Variants in SEC16A observed in about 807,000 individuals in gnomAD.
SEC16A encodes SEC16 homolog A, endoplasmic reticulum export factor, also known as protein transport protein Sec16A.
SEC16A carries 110 observed loss-of-function variants against 221.9 expected under a neutral mutation model. The observed-to-expected ratio is 0.50, with a 90% CI of 0.42 to 0.58. SEC16A has a LOEUF of 0.58. SEC16A is among the 20% of genes least tolerant of loss of function. The probability of loss-of-function intolerance (pLI) is 0.00; values close to 1 mark genes in which losing one functional copy is unlikely to be tolerated. For missense variants in SEC16A, 3,165 were observed against 3,097.8 expected (o/e 1.02, Z -0.52); for synonymous variants, 1,393 against 1,257.7 (o/e 1.11, Z -2.28).
upstream of SEC16A, chr9:136,483,090 A>T: frequency 1.1e-6 from 1 of 900,540 alleles, no homozygotes; most frequent in Non-Finnish European, 1.3e-6. Context: ...GGCTTACGAC[A>T]TCAGCGCGCG....
At chr9:136,471,173 G>A (rs913879014) in intron 4 of SEC16A, among the ~76,000 whole-genome samples, 3 of 151,876 alleles carry the variant, frequency 2.0e-5, no homozygotes, top group Admixed American at 6.6e-5. Context: ...ATGTCAAGGA[G>A]AAACATAGGC....
Position 136,451,414 on chromosome 9 carries a change from G to T in SEC16A, c.6160-6C>A. ...GGCACCGTCCTCGAGGGGGTCTGTC[G>T]CAAGGAAATGCAGAACAGGCTCTCC... On this transcript the variant is annotated splice_region_variant and splice_polypyrimidine_tract_variant and intron_variant, in intron 22 of 31. Transcript: ENST00000684901. 6.3e-7 allele frequency: 1 copy of T among 1,588,216 alleles called. No individual in the cohort carries two copies. The highest frequency in any genetic ancestry group is 8.6e-7 in the Non-Finnish European group (1 of 1,169,346).
At position 136,476,553 on chromosome 9, in the gene SEC16A, C is replaced by A; in HGVS notation, c.1063G>T (p.Ala355Ser). The A allele has an allele frequency of 6.2e-7, 1 of 1,610,436 alleles. No individual in the cohort carries two copies. ...TCTAGCGGGGCACAGCCAGACCCGG[C>A]CCCAGCCCCCAGTGGGTGGTGCGTA... is the stretch of plus-strand genomic sequence containing the variant. ...NRTHHPLGAG[A>S]GSGCAPLEAD... Residue 355 changes from alanine to serine, a missense_variant, in exon 3 of 32, where the codon GCC becomes TCC. Around this residue, in one of 3 missense-constraint regions of SEC16A, gnomAD observed 2,030 missense variants for 1,923.1 expected, o/e 1.06. Coordinates refer to ENST00000684901, the MANE Select transcript of SEC16A (RefSeq NM_014866.2).
At chr9:136,457,408 G>C (rs1310785331) in intron 18 of SEC16A, 36 bp downstream of exon 18, 4 of 1,570,554 alleles carry the variant, frequency 2.5e-6, no homozygotes, top group Non-Finnish European at 3.5e-6. Flanking sequence ...CCTGCAGTCA[G>C]CACAGCATCC....
chr9:136,445,754 C>A, intron 28 of SEC16A, 35 bp from the exon 29 acceptor site: 1 of 1,539,910 alleles, frequency 6.5e-7, no homozygotes, highest in South Asian at 1.2e-5. Flanking sequence ...GCAACCAAAT[C>A]CCAGGGAATT....
chr9:136,441,887 C>T, intron 31 of SEC16A, 64 bp from the exon 32 acceptor site: 1 of 1,413,816 alleles, frequency 7.1e-7, no homozygotes, highest in Non-Finnish European at 9.9e-7. Flanking sequence ...TGCTCGGCTG[C>T]AGCGTGGCAG....
rs767932663 is a variant in SEC16A, at chr9:136,476,627, G to A, written c.989C>T (p.Ala330Val). Residue 330 changes from alanine (A) to valine (V), a missense_variant, in exon 3 of 32, where the codon GCC (alanine) becomes GTC (valine). Physicochemically the swap from Ala to Val is moderately conservative, Grantham distance 64 (BLOSUM62 0). This residue lies in a region of SEC16A where 2,030 missense variants were observed against 1,923.1 expected (regional missense o/e 1.06). Coordinates refer to ENST00000684901, the MANE Select transcript of SEC16A (RefSeq NM_014866.2). ...NPGVKNEHRP[A>V]SALVNPLARG... ...GGCGAGGGGGTTCACAAGAGCAGAG[G>A]CGGGCCGGTGCTCATTCTTCACTCC... 6 of 1,582,276 alleles carry A rather than the reference G, an allele frequency of 3.8e-6. No homozygotes were observed. Among genetic ancestry groups the A allele is most frequent in the Non-Finnish European group, 5.2e-6 (6 of 1,162,032 alleles).
chr9:136,445,245 A>T (rs1447251101), intron 29 of SEC16A, 134 bp from the exon 30 acceptor site: 1 of 771,516 alleles, frequency 1.3e-6, no homozygotes, highest in Non-Finnish European at 2.2e-6. Flanking sequence ...AAGGGAAAAA[A>T]AAGCCAGTGT....
chr9:136,476,536 G>A lies in SEC16A; in HGVS notation c.1080C>T (p.Ala360=). ...PLGAGAGSGC[A]PLEADSGASG... ...AAGCTCCTGAGTCTGCTTCTAGCGG[G>A]GCACAGCCAGACCCGGCCCCAGCCC... Residue 360 remains alanine, a synonymous_variant, in exon 3 of 32, where the codon GCC becomes GCT. Transcript: ENST00000684901. The A allele has an allele frequency of 6.2e-7, 1 of 1,612,194 alleles. No individual in the cohort carries two copies. The highest frequency in any genetic ancestry group is 8.5e-7 in the Non-Finnish European group (1 of 1,178,848).
intron 22 of SEC16A, among the ~76,000 whole-genome samples, chr9:136,451,772 G>A (rs1276088879): frequency 1.3e-5 from 2 of 152,214 alleles, no homozygotes; most frequent in Non-Finnish European, 2.9e-5. Flanking sequence ...TGTTCTCAAA[G>A]ATACAATGAT....
Position 136,457,556 on chromosome 9 carries a change from A to G in SEC16A, c.5438T>C (p.Leu1813Pro). 6.2e-7 allele frequency: 1 copy of G among 1,610,956 alleles called. No homozygotes were observed. The change falls in exon 18 of 32, where the codon CTG (leucine) becomes CCG (proline). Residue 1813 changes from leucine to proline, a missense_variant. This residue lies in a region of SEC16A where 1,088 missense variants were observed against 1,089.6 expected (regional missense o/e 1.00). Transcript: ENST00000684901. ...TTGCGTGGCCAGCCCCATTTCCGCC[A>G]GGCGGCAGGAGTAGATGAACTTAAA... ...QVFKFIYSCRLAEMGLATQAF... is the reference protein window; with the variant it reads ...QVFKFIYSCRPAEMGLATQAF...
intron 22 of SEC16A, among the ~76,000 whole-genome samples, chr9:136,451,727 C>T (rs1251434041): frequency 1.3e-5 from 2 of 152,122 alleles, no homozygotes; most frequent in Non-Finnish European, 2.9e-5. Flanking sequence ...TGTGAGCATG[C>T]ACTGAGGGAA....
intron 22 of SEC16A, among the ~76,000 whole-genome samples, chr9:136,452,156 A>C (rs935094673): frequency 1.3e-5 from 2 of 152,194 alleles, no homozygotes; most frequent in Admixed American, 1.3e-4. Flanking sequence ...CTGTAGAAAA[A>C]GAGACGGCCG....
At position 136,441,718 on chromosome 9, in the gene SEC16A, G is replaced by A. The variant is rs747452436; in HGVS notation, c.*37C>T. ...CGGGTTCTTCGGGGAGAACAGCAGCGTCAGGGCTCCAAGTGCAAGTTCACA... is the reference window on the plus strand; with the variant it reads ...CGGGTTCTTCGGGGAGAACAGCAGCATCAGGGCTCCAAGTGCAAGTTCACA... On this transcript the variant is annotated 3_prime_UTR_variant, in exon 32 of 32. Coordinates refer to ENST00000684901, the MANE Select transcript of SEC16A (RefSeq NM_014866.2). The A allele has an allele frequency of 2.7e-5, 43 of 1,599,234 alleles. 1 individual carries two copies. Among genetic ancestry groups the A allele is most frequent in the East Asian group, 2.0e-4 (9 of 44,806 alleles).
At position 136,466,889 on chromosome 9, in the gene SEC16A, A is replaced by T; in HGVS notation, c.3929+68T>A. The T allele has an allele frequency of 1.3e-6, 2 of 1,528,080 alleles. No homozygotes were observed. Among genetic ancestry groups the T allele is most frequent in the East Asian group, 2.4e-5 (1 of 42,018 alleles). The allele number at this position is 1,528,080 out of a possible 1,614,324, so 94.7% of individuals were successfully genotyped here. On this transcript the variant is annotated intron_variant, in intron 6 of 31. Transcript: ENST00000684901. This position sits in a 1 kb window ranked among gnomAD's most constrained non-coding sequence, Gnocchi z 5.5. ...AGCTCTTTGTTAAAACCCAGACATG[A>T]GGGCAGAGAAGCACTAGCGCGCCCT...
In SEC16A at chr9:136,474,783, G is replaced by A. The variant is rs751066212; in HGVS notation, c.2833C>T (p.Arg945Cys). Residue 945 changes from arginine (R) to cysteine (C), a missense_variant, in exon 3 of 32, where the codon CGT becomes TGT. Around this residue, in one of 3 missense-constraint regions of SEC16A, gnomAD observed 2,030 missense variants for 1,923.1 expected, o/e 1.06. Transcript: ENST00000684901. ...CCGGGAAGAGCACTTCCTGCCTTACGATCCTTTTGACTTTCTGGAACCAAG... is the reference window on the plus strand; with the variant it reads ...CCGGGAAGAGCACTTCCTGCCTTACAATCCTTTTGACTTTCTGGAACCAAG... ...ENLVPESQKD[R>C]KAGSALPGFA... The A allele has an allele frequency of 3.7e-6, 6 of 1,613,960 alleles. No homozygotes were observed. The highest frequency in any genetic ancestry group is 3.4e-6 in the Non-Finnish European group (4 of 1,179,886).
chr9:136,471,156 G>C (rs1047924851), intron 4 of SEC16A, among the ~76,000 whole-genome samples: 1 of 151,790 alleles, frequency 6.6e-6, no homozygotes, highest in African/African-American at 2.4e-5. Context: ...TTCAAGCAGA[G>C]GCGGCAATGT....
intron 2 of SEC16A, among the ~76,000 whole-genome samples, chr9:136,478,297 G>A (rs1486293714): frequency 6.6e-6 from 1 of 151,874 alleles, no homozygotes; most frequent in Non-Finnish European, 1.5e-5. Context: ...CAACTACTCA[G>A]GAGGCTGAGG....
Position 136,476,907 on chromosome 9 carries a change from C to G in SEC16A, c.709G>C (p.Val237Leu). The G allele has an allele frequency of 6.2e-7, 1 of 1,611,774 alleles. No homozygotes were observed. Among genetic ancestry groups the G allele is most frequent in the Non-Finnish European group, 8.5e-7 (1 of 1,179,544 alleles). Reference sequence around the variant, plus strand: ...GTGGCACAGGGCACCCCGCTGGGAACAGGTCCTTCAGGGCAGGGTGAACGA... The same window carrying G: ...GTGGCACAGGGCACCCCGCTGGGAAGAGGTCCTTCAGGGCAGGGTGAACGA... ...QHRSPCPEGP[V>L]PSGVPCATSV... Residue 237 changes from valine (V) to leucine (L), a missense_variant, in exon 3 of 32, where the codon GTT (valine) becomes CTT (leucine). Val to Leu is a conservative substitution (Grantham distance 32). This residue lies in a region of SEC16A where 2,030 missense variants were observed against 1,923.1 expected (regional missense o/e 1.06). Coordinates refer to ENST00000684901, the MANE Select transcript of SEC16A (RefSeq NM_014866.2).
Sources: allele counts gnomAD v4.1 joint callset (sites outside exome capture counted in the v4.1 genomes callset), GRCh38; gene constraint gnomAD v4.1.1; regional missense constraint gnomAD v4.1.1; non-coding constraint Gnocchi (gnomAD v3.1); transcripts MANE v1.5; gene names NCBI Gene and HGNC (gene_info 2026-07-23, HGNC 2026-07-21).